UNC5D: variants seen among roughly 807,000 people sequenced by gnomAD.
UNC5D encodes unc-5 netrin receptor D.
UNC5D carries 39 observed loss-of-function variants against 105.4 expected under a neutral mutation model. That is an observed-to-expected ratio of 0.37 (90% CI 0.29 to 0.48). The LOEUF (loss-of-function observed/expected upper bound fraction) is 0.48, where lower values mean the gene tolerates loss of function less well. Among genes scored for constraint, UNC5D ranks in the 20% least tolerant of loss-of-function variants. UNC5D has a pLI of 0.98. For synonymous variants in UNC5D, 452 were observed against 450.4 expected (o/e 1.00, Z -0.04); for missense variants, 991 against 1,202.4 (o/e 0.82, Z 2.60).
At chr8:35,321,929 G>C (rs1037684193) in intron 1 of UNC5D, among the ~76,000 whole-genome samples, 3 of 152,110 alleles carry the variant, frequency 2.0e-5, no homozygotes, top group African/African-American at 7.2e-5. Context: ...CTGTTAAGTG[G>C]ATATCCTCAT....
At chr8:35,456,267 T>C (rs182704773) in intron 1 of UNC5D, among the ~76,000 whole-genome samples, 23 of 152,238 alleles carry the variant, frequency 1.5e-4, no homozygotes, top group Admixed American at 1.2e-3. Flanking sequence ...GTTGTCAAAT[T>C]TGAATGTGTG....
intron 1 of UNC5D, among the ~76,000 whole-genome samples, chr8:35,279,071 A>G (rs1202467050): frequency 6.6e-6 from 1 of 152,168 alleles, no homozygotes; most frequent in Admixed American, 6.5e-5. Flanking sequence ...GCTCCCTGCT[A>G]TGACCGCCAG....
chr8:35,698,939 CAAAAGAATT>C (rs570352254), intron 7 of UNC5D, among the ~76,000 whole-genome samples: 23 of 151,972 alleles, frequency 1.5e-4, no homozygotes, highest in Non-Finnish European at 3.2e-4. Flanking sequence ...GGGATCAAAG[CAAAAGAATT>C]CATAGGTTAG....
chr8:35,469,830 T>C (rs1809577558), intron 1 of UNC5D, among the ~76,000 whole-genome samples: 1 of 152,194 alleles, frequency 6.6e-6, no homozygotes, highest in Non-Finnish European at 1.5e-5. Context: ...TTGTATCTTA[T>C]GAGAGGAACA....
intron 3 of UNC5D, among the ~76,000 whole-genome samples, chr8:35,572,090 C>A (rs1817765924): frequency 6.6e-6 from 1 of 151,910 alleles, no homozygotes; most frequent in African/African-American, 2.4e-5. Context: ...AGTTCGAGAC[C>A]AGCCTGGCCA....
chr8:35,594,740 C>G (rs1819382985), intron 3 of UNC5D, among the ~76,000 whole-genome samples: 2 of 152,184 alleles, frequency 1.3e-5, no homozygotes, highest in African/African-American at 2.4e-5. Context: ...ATGTCCTTTT[C>G]CCTGAGAAGG....
At chr8:35,772,115 C>G (rs1802036703) in intron 15 of UNC5D, among the ~76,000 whole-genome samples, 1 of 152,094 alleles carries the variant, frequency 6.6e-6, no homozygotes, top group Admixed American at 6.6e-5. Context: ...ATAACTAAAA[C>G]CAGTAAGTAC....
chr8:35,499,759 G>A (rs553860069), intron 1 of UNC5D, among the ~76,000 whole-genome samples: 1 of 152,240 alleles, frequency 6.6e-6, no homozygotes, highest in South Asian at 2.1e-4. Context: ...TTCTCAAGCA[G>A]GGCATTAATA....
At chr8:35,357,984 AG>A (rs1377633096) in intron 1 of UNC5D, among the ~76,000 whole-genome samples, 1 of 152,118 alleles carries the variant, frequency 6.6e-6, no homozygotes, top group East Asian at 1.9e-4. Context: ...CCACATCAAC[AG>A]GAAGTTACTG....
intron 7 of UNC5D, among the ~76,000 whole-genome samples, chr8:35,697,547 T>G (rs936011380): frequency 6.6e-6 from 1 of 152,112 alleles, no homozygotes; most frequent in African/African-American, 2.4e-5. Context: ...AGCATTGTAC[T>G]CCAAACTCCT....
chr8:35,447,585 G>T (rs1402985786), intron 1 of UNC5D, among the ~76,000 whole-genome samples: 1 of 152,032 alleles, frequency 6.6e-6, no homozygotes, highest in Non-Finnish European at 1.5e-5. Context: ...ATTTCTAGGA[G>T]AAATTGTGAG....
intron 1 of UNC5D, among the ~76,000 whole-genome samples, chr8:35,429,672 A>G (rs945184003): frequency 6.6e-6 from 1 of 152,190 alleles, no homozygotes; most frequent in Non-Finnish European, 1.5e-5. Flanking sequence ...TGTGCATGAT[A>G]AACTACATCA....
intron 1 of UNC5D, among the ~76,000 whole-genome samples, chr8:35,356,798 T>G (rs1023390918): frequency 6.6e-6 from 1 of 151,996 alleles, no homozygotes; most frequent in Non-Finnish European, 1.5e-5. Flanking sequence ...TCTGTGATAA[T>G]GTGAGAGTCG....
intron 16 of UNC5D, among the ~76,000 whole-genome samples, chr8:35,789,171 A>ATATATG (rs1663511835): frequency 1.1e-5 from 1 of 92,108 alleles, no homozygotes; most frequent in East Asian, 2.9e-4. Flanking sequence ...ATATATATAT[A>ATATATG]TATATATATA....
chr8:35,380,222 G>GGAGAGA (rs1319752379), intron 1 of UNC5D, among the ~76,000 whole-genome samples: 3 of 132,288 alleles, frequency 2.3e-5, no homozygotes, highest in East Asian at 2.2e-4. Context: ...AGAGAGAGAG[G>GGAGAGA]GAGAGAGAGA....
chr8:35,377,489 A>G (rs943787917), intron 1 of UNC5D, among the ~76,000 whole-genome samples: 3 of 152,036 alleles, frequency 2.0e-5, no homozygotes, highest in African/African-American at 7.2e-5. Context: ...GTGTTTCTGT[A>G]TTTGCAGCTC....
At chr8:35,654,244 G>A (rs763139714) in intron 4 of UNC5D, among the ~76,000 whole-genome samples, 2 of 152,152 alleles carry the variant, frequency 1.3e-5, no homozygotes, top group Non-Finnish European at 2.9e-5. Flanking sequence ...ATCTATCAAT[G>A]AATTCTGACT....
intron 1 of UNC5D, chr8:35,254,195 C>T (rs757711056): frequency 1.3e-5 from 2 of 152,144 alleles, no homozygotes; most frequent in African/African-American, 4.8e-5. Context: ...TAGCATTAAA[C>T]AATGAATACA....
intron 1 of UNC5D, among the ~76,000 whole-genome samples, chr8:35,423,321 A>G (rs1228267868): frequency 6.6e-6 from 1 of 152,154 alleles, no homozygotes; most frequent in Non-Finnish European, 1.5e-5. Context: ...TCTGCCCTAC[A>G]GATGCTGTGC....
Sources: allele counts gnomAD v4.1 joint callset (sites outside exome capture counted in the v4.1 genomes callset), GRCh38; gene constraint gnomAD v4.1.1; transcripts MANE v1.5; gene names NCBI Gene and HGNC (gene_info 2026-07-23, HGNC 2026-07-21).